GLRA2: variants seen among roughly 807,000 people sequenced by gnomAD.
GLRA2 encodes the protein glycine receptor alpha 2, also known as glycine receptor subunit alpha-2.
A neutral mutation model predicts 31.6 loss-of-function variants in GLRA2; 11 were observed. That is an observed-to-expected ratio of 0.35 (90% CI 0.22 to 0.58). GLRA2 has a LOEUF of 0.58. GLRA2 is among the 20% of genes least tolerant of loss of function. The pLI is 0.84. For missense variants in GLRA2, 212 were observed against 351.8 expected, an observed-to-expected ratio of 0.60 and a Z score of 3.18; for synonymous variants, 132 against 134.0, an observed-to-expected ratio of 0.99 and a Z score of 0.10.
intron 8 of GLRA2, among the ~76,000 whole-genome samples, chrX:14,700,232 C>G (rs2091519079): frequency 9.0e-6 from 1 of 110,673 alleles, no homozygotes; most frequent in Admixed American, 9.7e-5. Context: ...GAGGTTAAAG[C>G]TATGGAAGTG....
intron 4 of GLRA2, among the ~76,000 whole-genome samples, chrX:14,591,596 T>A (rs183838229): frequency 8.9e-6 from 1 of 112,166 alleles, no homozygotes; most frequent in Admixed American, 9.4e-5. Flanking sequence ...CCTAGCCAGA[T>A]TGAGGGTGGG....
intron 8 of GLRA2, among the ~76,000 whole-genome samples, chrX:14,692,911 C>T (rs1281462470): frequency 9.0e-6 from 1 of 110,993 alleles, no homozygotes; most frequent in Non-Finnish European, 1.9e-5. Flanking sequence ...AAAAGTATAA[C>T]TAGCAAACAA....
At chrX:14,561,617 C>T (rs2089734633) in intron 2 of GLRA2, among the ~76,000 whole-genome samples, 2 of 112,642 alleles carry the variant, frequency 1.8e-5, no homozygotes, top group Admixed American at 1.9e-4. Flanking sequence ...TAAGACAGCT[C>T]AGCCAGGAAT....
At chrX:14,529,532 C>T (rs919827178), upstream of GLRA2, 1 of 114,529 alleles carries the variant, frequency 8.7e-6, no homozygotes, top group East Asian at 2.8e-4. Context: ...AAGATCACGT[C>T]TCCGTCTCAT....
chrX:14,482,620 C>T, the GLRA2 span, among the ~76,000 whole-genome samples: 2 of 111,056 alleles, frequency 1.8e-5, no homozygotes, highest in Admixed American at 1.9e-4. Context: ...ATGAATATTT[C>T]TAATTACCAA....
intron 7 of GLRA2, among the ~76,000 whole-genome samples, chrX:14,665,495 A>G (rs2091029502): frequency 8.9e-6 from 1 of 112,010 alleles, no homozygotes; most frequent in African/African-American, 3.2e-5. Context: ...CCCAATCACC[A>G]TTGGAGAATT....
chrX:14,576,064 TAA>T (rs76368177), intron 3 of GLRA2, among the ~76,000 whole-genome samples: 21 of 88,422 alleles, frequency 2.4e-4, no homozygotes, highest in Non-Finnish European at 1.8e-4. Context: ...CATTGAGAAG[TAA>T]AAAAAAAAAA....
chrX:14,694,883 T>G (rs988918882), intron 8 of GLRA2, among the ~76,000 whole-genome samples: 2 of 111,641 alleles, frequency 1.8e-5, no homozygotes, highest in African/African-American at 3.3e-5. Flanking sequence ...GACTCACAGA[T>G]TTTTGGCTTA....
At chrX:14,558,712 T>C (rs1290578226) in intron 2 of GLRA2, among the ~76,000 whole-genome samples, 2 of 112,066 alleles carry the variant, frequency 1.8e-5, no homozygotes, top group Admixed American at 1.9e-4. Flanking sequence ...TACTTATCCT[T>C]GTGTGGGAGC....
chrX:14,478,601 GTAT>G, the GLRA2 span, among the ~76,000 whole-genome samples: 1 of 112,164 alleles, frequency 8.9e-6, no homozygotes. Context: ...TATATGCAAA[GTAT>G]TATAATAAGC....
the GLRA2 span, among the ~76,000 whole-genome samples, chrX:14,457,418 C>A: frequency 1.9e-5 from 2 of 104,542 alleles, no homozygotes; most frequent in African/African-American, 3.5e-5. Flanking sequence ...TCTCATTGTT[C>A]AACTCTCACT....
the GLRA2 span, among the ~76,000 whole-genome samples, chrX:14,457,588 C>T: frequency 2.7e-5 from 3 of 111,994 alleles, no homozygotes; most frequent in Non-Finnish European, 5.6e-5. Flanking sequence ...TTTTCTTAAT[C>T]CAGTCTATCA....
upstream of GLRA2, among the ~76,000 whole-genome samples, chrX:14,527,345 G>C (rs916916254): frequency 1.8e-5 from 2 of 111,878 alleles, no homozygotes; most frequent in Non-Finnish European, 3.8e-5. Flanking sequence ...GGCTGGGCGC[G>C]GTGGCTCACG....
chrX:14,692,250 A>G (rs1268672993), intron 8 of GLRA2, among the ~76,000 whole-genome samples: 1 of 112,356 alleles, frequency 8.9e-6, no homozygotes, highest in Non-Finnish European at 1.9e-5. Context: ...GCTGTACATT[A>G]CCTTTTAATG....
intron 7 of GLRA2, among the ~76,000 whole-genome samples, chrX:14,652,430 C>T (rs1286582825): frequency 1.8e-5 from 2 of 111,568 alleles, no homozygotes; most frequent in Non-Finnish European, 1.9e-5. Context: ...TTGCATTTCA[C>T]AGCTATTGCA....
At chrX:14,566,757 G>A (rs1179443883) in intron 2 of GLRA2, among the ~76,000 whole-genome samples, 8 of 111,281 alleles carry the variant, frequency 7.2e-5, no homozygotes, top group Non-Finnish European at 1.5e-4. Context: ...CAAACTTAAA[G>A]TGATCACCTC....
chrX:14,493,422 T>C, the GLRA2 span, among the ~76,000 whole-genome samples: 1 of 107,663 alleles, frequency 9.3e-6, no homozygotes, highest in Non-Finnish European at 1.9e-5. Flanking sequence ...AAAGGCTACA[T>C]TCACAGACCT....
chrX:14,660,874 T>G (rs1391087689), intron 7 of GLRA2, among the ~76,000 whole-genome samples: 1 of 111,799 alleles, frequency 8.9e-6, no homozygotes, highest in Non-Finnish European at 1.9e-5. Flanking sequence ...CAAAGTAGAG[T>G]CAGTGAATAG....
At chrX:14,685,635 T>C (rs1264304296) in intron 7 of GLRA2, among the ~76,000 whole-genome samples, 1 of 111,902 alleles carries the variant, frequency 8.9e-6, no homozygotes, top group Non-Finnish European at 1.9e-5. Context: ...TGATGGTAGT[T>C]TGTATTTCTG....
Sources: gnomAD v4.1 joint callset for allele counts (sites outside exome capture counted in the v4.1 genomes callset) on GRCh38, gnomAD v4.1.1 for gene constraint, MANE v1.5 for transcripts, NCBI Gene and HGNC (gene_info 2026-07-23, HGNC 2026-07-21) for gene names.